CAMK2D: variants seen among roughly 807,000 people sequenced by gnomAD.
CAMK2D encodes the protein calcium/calmodulin dependent protein kinase II delta, also known as calcium/calmodulin-dependent protein kinase type II subunit delta.
A neutral mutation model predicts 84.0 loss-of-function variants in CAMK2D; 37 were observed. That is an observed-to-expected ratio of 0.44 (90% CI 0.34 to 0.58). CAMK2D has a LOEUF of 0.58. CAMK2D is among the 20% of genes least tolerant of loss of function. The pLI is 0.02. For missense variants in CAMK2D, 448 were observed against 652.5 expected (o/e 0.69, Z 3.41); for synonymous variants, 202 against 212.5 (o/e 0.95, Z 0.43).
At chr4:113,546,999 A>G (rs985520205) in intron 6 of CAMK2D, among the ~76,000 whole-genome samples, 9 of 152,168 alleles carry the variant, frequency 5.9e-5, no homozygotes, top group Non-Finnish European at 1.5e-5. Flanking sequence ...ATCCATATAT[A>G]TTTGCTACAT....
chr4:113,761,078 G>C lies in CAMK2D; in HGVS notation c.-10C>G. ...TTGTGGTCGAAGCCATCCTCGGTCC[G>C]GGCTGTGCCCTGGCTGGGAGCGCGA... On this transcript the variant is annotated 5_prime_UTR_variant, in exon 1 of 21. Transcript: ENST00000511664. 6.2e-7 allele frequency: 1 copy of C among 1,614,052 alleles called. No individual in the cohort carries two copies. The highest frequency in any genetic ancestry group is 8.5e-7 in the Non-Finnish European group (1 of 1,180,018).
At chr4:113,542,381 T>C (rs2098535793) in intron 6 of CAMK2D, among the ~76,000 whole-genome samples, 1 of 152,180 alleles carries the variant, frequency 6.6e-6, no homozygotes, top group South Asian at 2.1e-4. Flanking sequence ...TTATCCAAAA[T>C]ATAAATTTCA....
At chr4:113,474,724 G>A (rs1457883311) in intron 16 of CAMK2D, among the ~76,000 whole-genome samples, 1 of 151,712 alleles carries the variant, frequency 6.6e-6, no homozygotes, top group African/African-American at 2.4e-5. Context: ...TCGGCTCACT[G>A]CAACCTCCAC....
At chr4:113,745,674 G>A (rs1161828253) in intron 2 of CAMK2D, among the ~76,000 whole-genome samples, 2 of 152,048 alleles carry the variant, frequency 1.3e-5, no homozygotes, top group African/African-American at 2.4e-5. Context: ...AGCTCCCAAA[G>A]GTATTTGCAG....
Position 113,451,268 on chromosome 4 carries a change from A to C in CAMK2D, c.*3277T>G, listed in dbSNP as rs2097255920. The C allele has an allele frequency of 6.6e-6, 1 of 152,148 alleles. No individual in the cohort carries two copies. The highest frequency in any genetic ancestry group is 1.5e-5 in the Non-Finnish European group (1 of 68,034). The allele number at this position is 152,148 out of a possible 1,614,324, so 9.4% of individuals were successfully genotyped here. On this transcript the variant is annotated 3_prime_UTR_variant, in exon 21 of 21. Coordinates refer to ENST00000511664, the MANE Select transcript of CAMK2D (RefSeq NM_001321571.2). ...CCTTCTGCTGAGACATTTGAGTCCG[A>C]GTATATCCTCAGCATTAACAGTAAA...
chr4:113,598,161 T>C (rs75568219), intron 4 of CAMK2D, among the ~76,000 whole-genome samples: 6,247 of 152,232 alleles, frequency 0.041, 348 homozygotes, highest in East Asian at 0.19. Context: ...AATCAGACAC[T>C]GTGCTATTGG....
intron 4 of CAMK2D, among the ~76,000 whole-genome samples, chr4:113,582,191 T>C (rs2098813587): frequency 6.6e-6 from 1 of 152,182 alleles, no homozygotes; most frequent in Non-Finnish European, 1.5e-5. Flanking sequence ...TCCAATAAAT[T>C]GTCTAGGTCA....
chr4:113,498,826 T>C (rs965376395), intron 16 of CAMK2D, among the ~76,000 whole-genome samples: 2 of 152,166 alleles, frequency 1.3e-5, no homozygotes, highest in Admixed American at 1.3e-4. Flanking sequence ...TTACATAGAT[T>C]AATAGCAATG....
At chr4:113,646,745 T>C (rs927005421) in intron 3 of CAMK2D, among the ~76,000 whole-genome samples, 11 of 152,170 alleles carry the variant, frequency 7.2e-5, no homozygotes, top group Non-Finnish European at 1.0e-4. Flanking sequence ...GTGGAAGGCC[T>C]TGCAAGCCTT....
chr4:113,517,892 A>T (rs1435695178), intron 8 of CAMK2D, among the ~76,000 whole-genome samples: 1 of 152,174 alleles, frequency 6.6e-6, no homozygotes, highest in Non-Finnish European at 1.5e-5. Context: ...GCATCAAAGA[A>T]TTCTAAAGAG....
chr4:113,721,212 T>G (rs937169134), intron 2 of CAMK2D, among the ~76,000 whole-genome samples: 46 of 152,110 alleles, frequency 3.0e-4, no homozygotes, highest in African/African-American at 1.1e-3. Context: ...AATTTTCAAT[T>G]TAATTACTAG....
intron 3 of CAMK2D, among the ~76,000 whole-genome samples, chr4:113,637,321 T>C (rs1476848998): frequency 6.6e-6 from 1 of 152,192 alleles, no homozygotes; most frequent in Non-Finnish European, 1.5e-5. Flanking sequence ...ATTCTAAATA[T>C]ACAATGATTT....
chr4:113,722,446 T>A (rs1056425423), intron 2 of CAMK2D, among the ~76,000 whole-genome samples: 1 of 152,066 alleles, frequency 6.6e-6, no homozygotes, highest in Admixed American at 6.6e-5. Context: ...GATTCAGAAA[T>A]GGAGAAATAA....
intron 2 of CAMK2D, among the ~76,000 whole-genome samples, chr4:113,744,727 A>G (rs778401965): frequency 2.0e-5 from 3 of 152,208 alleles, no homozygotes; most frequent in Non-Finnish European, 2.9e-5. Flanking sequence ...AGGCTTGAGA[A>G]GGTCACAAGA....
At chr4:113,678,221 G>A (rs1158653063) in intron 2 of CAMK2D, among the ~76,000 whole-genome samples, 1 of 152,144 alleles carries the variant, frequency 6.6e-6, no homozygotes, top group East Asian at 1.9e-4. Context: ...CCACACAGTA[G>A]AAAGAAGCTG....
At chr4:113,521,583 A>G (rs2098359678) in intron 8 of CAMK2D, among the ~76,000 whole-genome samples, 1 of 152,208 alleles carries the variant, frequency 6.6e-6, no homozygotes, top group East Asian at 1.9e-4. Flanking sequence ...AAATCAAGAA[A>G]TAAGGAGACA....
In CAMK2D at chr4:113,452,756, CATT is replaced by C. The variant is rs2097266306; in HGVS notation, c.*1786_*1788del. 6.6e-6 allele frequency: 1 copy of C among 152,200 alleles called. No individual in the cohort carries two copies. Among genetic ancestry groups the C allele is most frequent in the African/African-American group, 2.4e-5 (1 of 41,300 alleles). The allele number at this position is 152,200 out of a possible 1,614,324, so 9.4% of individuals were successfully genotyped here. A position where few individuals can be genotyped will look rare whatever the true frequency, so the allele number is the denominator to read the frequency against. Reference sequence around the variant, plus strand: ...GAAATTAAAAAGAGAAAAATGAGGCCATTATTTTTTCACAGATCTCATTGGCAG... The same window carrying C: ...GAAATTAAAAAGAGAAAAATGAGGCCATTTTTTCACAGATCTCATTGGCAG... On this transcript the variant is annotated 3_prime_UTR_variant, in exon 21 of 21. Transcript: ENST00000511664.
chr4:113,735,133 A>AAT (rs1229512318), intron 2 of CAMK2D, among the ~76,000 whole-genome samples: 2 of 151,568 alleles, frequency 1.3e-5, no homozygotes, highest in Non-Finnish European at 2.9e-5. Context: ...ATACACAGGA[A>AAT]ATATATATAA....
intron 16 of CAMK2D, among the ~76,000 whole-genome samples, chr4:113,492,553 C>T (rs377080417): frequency 4.6e-5 from 7 of 151,860 alleles, no homozygotes; most frequent in Non-Finnish European, 7.4e-5. Context: ...AGGAGAGCTT[C>T]ACTTCCAACT....
Sources: gnomAD v4.1 joint callset for allele counts (sites outside exome capture counted in the v4.1 genomes callset) on GRCh38, gnomAD v4.1.1 for gene constraint, MANE v1.5 for transcripts, NCBI Gene and HGNC (gene_info 2026-07-23, HGNC 2026-07-21) for gene names.